Variants in COL26A1 observed in about 807,000 individuals in gnomAD.
COL26A1 encodes the protein collagen alpha-1(XXVI) chain.
In COL26A1, 41 loss-of-function variants were observed where a neutral mutation model predicts 59.3. The ratio of observed to expected loss-of-function variants is 0.69; its 90% CI spans 0.54 to 0.90. COL26A1 has a LOEUF of 0.90. COL26A1 is among the 40% of genes least tolerant of loss of function. The pLI is 0.00. For missense variants in COL26A1, 612 were observed against 602.3 expected (o/e 1.02, Z -0.17); for synonymous variants, 266 against 256.0 (o/e 1.04, Z -0.37).
At chr7:101,422,348 G>C (rs895953146) in intron 2 of COL26A1, among the ~76,000 whole-genome samples, 2 of 120,678 alleles carry the variant, frequency 1.7e-5, no homozygotes, top group African/African-American at 3.2e-5. Flanking sequence ...TGCTATACTA[G>C]AGAGATGGCA....
chr7:101,434,768 A>G (rs1584404624), intron 2 of COL26A1, among the ~76,000 whole-genome samples: 1 of 152,142 alleles, frequency 6.6e-6, no homozygotes, highest in Admixed American at 6.6e-5. Context: ...CAGTGACCTT[A>G]CCTGGGGTTT....
chr7:101,482,889 G>A (rs1380194058), intron 3 of COL26A1, among the ~76,000 whole-genome samples: 2 of 152,182 alleles, frequency 1.3e-5, no homozygotes, highest in African/African-American at 2.4e-5. Context: ...CCTGGAAGGC[G>A]GAGGTTGCAG....
chr7:101,429,228 C>CT (rs1478585163), intron 2 of COL26A1, among the ~76,000 whole-genome samples: 14 of 151,876 alleles, frequency 9.2e-5, no homozygotes, highest in African/African-American at 2.2e-4. Flanking sequence ...CTGGCCTCTG[C>CT]TTTTTTTTCT....
At chr7:101,376,223 G>A (rs1360698506) in intron 1 of COL26A1, among the ~76,000 whole-genome samples, 7 of 151,826 alleles carry the variant, frequency 4.6e-5, no homozygotes, top group South Asian at 2.1e-4. Flanking sequence ...AGGCTGAGGC[G>A]GCAGGATCAC....
intron 9 of COL26A1, among the ~76,000 whole-genome samples, chr7:101,550,600 A>G (rs939105664): frequency 1.4e-5 from 2 of 147,932 alleles, no homozygotes; most frequent in Non-Finnish European, 3.1e-5. Flanking sequence ...AGCAGCTGGG[A>G]GGACCAGGGA....
In COL26A1 at chr7:101,434,063, TCCCTCCCTCCCTCCCTCCCTCC is replaced by T. The variant is rs1562976864; in HGVS notation, c.282-13619_282-13598del. ...TCCCTTCCCTCCCTCCCTCCCTCCC[TCCCTCCCTCCCTCCCTCCCTCC>T]CTCCCTCTTTCTTTCTGCTTTCTTT... On this transcript the variant is annotated intron_variant, in intron 2 of 12. Coordinates refer to ENST00000313669, the MANE Select transcript of COL26A1 (RefSeq NM_001278563.3). Among the ~76,000 whole-genome samples, 39 of 45,648 alleles carry T rather than the reference TCCCTCCCTCCCTCCCTCCCTCC, an allele frequency of 8.5e-4. No homozygotes were observed. In the East Asian group the frequency reaches 8.9e-3, roughly 10 times the overall value. The allele number at this position is 45,648 out of a possible 152,430, so 29.9% of individuals were successfully genotyped here. A position where few individuals can be genotyped will look rare whatever the true frequency, so the allele number is the denominator to read the frequency against.
chr7:101,502,394 A>G (rs956455508), intron 3 of COL26A1, among the ~76,000 whole-genome samples: 2 of 152,216 alleles, frequency 1.3e-5, no homozygotes, highest in African/African-American at 4.8e-5. Flanking sequence ...TATGCTCAAG[A>G]AAAATACACA....
chr7:101,501,185 CAAAAAAAA>C (rs58672929), intron 3 of COL26A1, among the ~76,000 whole-genome samples: 1 of 74,446 alleles, frequency 1.3e-5, no homozygotes, highest in African/African-American at 4.9e-5. Context: ...GACTCCGTCT[CAAAAAAAA>C]AAAAAAAAGA....
At chr7:101,388,947 G>T in intron 1 of COL26A1, 2 of 268,514 alleles carry the variant, frequency 7.4e-6, no homozygotes, top group South Asian at 4.9e-5. Flanking sequence ...AGCAGATCAG[G>T]AATATCTACC....
At chr7:101,543,362 G>T (rs555122860) in intron 5 of COL26A1, among the ~76,000 whole-genome samples, 1 of 151,944 alleles carries the variant, frequency 6.6e-6, no homozygotes. Context: ...TAGAGATGGG[G>T]TCTCACTATG....
In COL26A1 at chr7:101,420,034, G is replaced by A. The variant is rs780964056; in HGVS notation, c.216G>A (p.Ser72=). ...TGTCCTGCCAGGTGCAGAATGGCTC[G>A]GAGACGGTGGTCCAGCGCGTGTACC... ...RTVSCQVQNG[S]ETVVQRVYQS... The change falls in exon 2 of 13, where the codon TCG becomes TCA. Residue 72 remains serine, a synonymous_variant. Coordinates refer to ENST00000313669, the MANE Select transcript of COL26A1 (RefSeq NM_001278563.3). 5.0e-6 allele frequency: 8 copies of A among 1,612,574 alleles called. No individual in the cohort carries two copies. Among genetic ancestry groups the A allele is most frequent in the African/African-American group, 4.0e-5 (3 of 74,920 alleles).
At chr7:101,546,950 G>A (rs1261256320) in intron 7 of COL26A1, among the ~76,000 whole-genome samples, 3 of 152,172 alleles carry the variant, frequency 2.0e-5, no homozygotes, top group African/African-American at 7.2e-5. Context: ...GAAGCTGACC[G>A]ACCTGGCTTT....
rs573657653 is a variant in COL26A1, at chr7:101,492,884, C to T, written c.386-40198C>T. Among the ~76,000 whole-genome samples, 12 of 151,682 alleles carry T rather than the reference C, an allele frequency of 7.9e-5. No homozygotes were observed. The East Asian group carries it at 1.6e-3, about 20-fold the overall frequency. The stretch of plus-strand genomic sequence containing the variant: ...CCTCCAAAGTAGCTAGAGCTACAGG[C>T]GTGCACCACCACGCCCAGCTAATTT... On this transcript the variant is annotated intron_variant, in intron 3 of 12. Transcript: ENST00000313669.
At chr7:101,507,820 T>C (rs984870435) in intron 3 of COL26A1, among the ~76,000 whole-genome samples, 1 of 151,400 alleles carries the variant, frequency 6.6e-6, no homozygotes, top group Non-Finnish European at 1.5e-5. Context: ...TCCCCTTCCC[T>C]GTTTGAGACC....
At chr7:101,407,896 A>C (rs1562965780) in intron 1 of COL26A1, among the ~76,000 whole-genome samples, 1 of 152,142 alleles carries the variant, frequency 6.6e-6, no homozygotes, top group Non-Finnish European at 1.5e-5. Context: ...GAAATTATGA[A>C]TAACCTGCCT....
intron 4 of COL26A1, among the ~76,000 whole-genome samples, chr7:101,535,993 C>T (rs1020070178): frequency 6.6e-6 from 1 of 152,186 alleles, no homozygotes; most frequent in Non-Finnish European, 1.5e-5. Flanking sequence ...CCCACCTGCC[C>T]ACTCCATGCC....
intron 1 of COL26A1, among the ~76,000 whole-genome samples, chr7:101,397,046 C>A (rs112079714): frequency 3.9e-5 from 6 of 152,214 alleles, no homozygotes; most frequent in African/African-American, 1.4e-4. Context: ...AGAGACATGG[C>A]CAAAGGTGAG....
chr7:101,557,693 G>A lies in COL26A1; in HGVS notation c.*163G>A, dbSNP rs980660583. ...GGACAGATAATGTCTCCAGGGGCAG[G>A]GTCTGGAGGGGCCAACACCCTCATC... On this transcript the variant is annotated 3_prime_UTR_variant, in exon 13 of 13. Coordinates refer to ENST00000313669, the MANE Select transcript of COL26A1 (RefSeq NM_001278563.3). 7 of 696,542 alleles carry A rather than the reference G, an allele frequency of 1.0e-5. No individual in the cohort carries two copies. Among genetic ancestry groups the A allele is most frequent in the Non-Finnish European group, 1.6e-5 (7 of 435,966 alleles). The allele number at this position is 696,542 out of a possible 1,614,324, so 43.1% of individuals were successfully genotyped here.
intron 1 of COL26A1, among the ~76,000 whole-genome samples, chr7:101,418,870 C>T (rs562689490): frequency 6.6e-6 from 1 of 152,026 alleles, no homozygotes; most frequent in Admixed American, 6.6e-5. Flanking sequence ...CTCTCCACTG[C>T]CCAAGCTTGC....
Sources: gnomAD v4.1 joint callset for allele counts (sites outside exome capture counted in the v4.1 genomes callset) on GRCh38, gnomAD v4.1.1 for gene constraint, MANE v1.5 for transcripts, NCBI Gene and HGNC (gene_info 2026-07-23, HGNC 2026-07-21) for gene names.